The following UCHL5 variants were observed in gnomAD, a reference collection of about 807,000 sequenced individuals.
UCHL5 encodes the protein ubiquitin carboxyl-terminal hydrolase isozyme L5.
UCHL5 carries 34 observed loss-of-function variants against 53.8 expected under a neutral mutation model. That is an observed-to-expected ratio of 0.63 (90% CI 0.48 to 0.84). The LOEUF (loss-of-function observed/expected upper bound fraction) is 0.84, where lower values mean the gene tolerates loss of function less well. Ranked by LOEUF, UCHL5 falls within the 40% of genes least tolerant of loss-of-function variation. The pLI is 0.00. For missense variants in UCHL5, 290 were observed against 385.6 expected (o/e 0.75, Z 2.08); for synonymous variants, 111 against 126.3 (o/e 0.88, Z 0.81).
upstream of UCHL5, chr1:193,059,451 C>T (rs1275547324): frequency 2.5e-6 from 4 of 1,609,776 alleles, no homozygotes; most frequent in South Asian, 3.3e-5. The surrounding 1 kb of genome is among the most constrained non-coding windows in gnomAD (Gnocchi z 4.9). Context: ...CTCTAGCCAC[C>T]CTAGAGACAT....
rs1450746721 is a variant in UCHL5 at position 193,059,175 on chromosome 1, T to A, written c.76+10A>T. 1 of 1,603,190 alleles carries A rather than the reference T, an allele frequency of 6.2e-7. No homozygotes were observed. Among genetic ancestry groups the A allele is most frequent in the African/African-American group, 1.3e-5 (1 of 74,788 alleles). ...GACCCCAGGCCCAGGACGGTCCCCTTGGTTCTCACCGAATCCTTTAATGAG... is the reference window on the plus strand; with the variant it reads ...GACCCCAGGCCCAGGACGGTCCCCTAGGTTCTCACCGAATCCTTTAATGAG... On this transcript the variant is annotated intron_variant, in intron 1 of 10. Transcript: ENST00000367454. This position sits in a 1 kb window ranked among gnomAD's most constrained non-coding sequence, Gnocchi z 4.9.
chr1:193,059,407 C>T (rs773989576), upstream of UCHL5: 3 of 1,610,414 alleles, frequency 1.9e-6, no homozygotes, highest in Admixed American at 3.3e-5. This position sits in a 1 kb window ranked among gnomAD's most constrained non-coding sequence, Gnocchi z 4.9. Flanking sequence ...CTCCGGGCGC[C>T]GTCACCTGCA....
chr1:193,057,114 T>C (rs1000927350), intron 1 of UCHL5, among the ~76,000 whole-genome samples: 4 of 152,226 alleles, frequency 2.6e-5, no homozygotes, highest in African/African-American at 9.7e-5. Flanking sequence ...TCTGCAGACA[T>C]GTCAAACTCA....
rs1201700688 is a variant in UCHL5, at chr1:193,050,701, G to A, written c.141-850C>T. ...GCAGAGACTGCAGTGAGCCGAAATC[G>A]CACCACTGCACTGCAACCTAGATGA... is the stretch of plus-strand genomic sequence containing the variant. On this transcript the variant is annotated intron_variant, in intron 2 of 10. Coordinates refer to ENST00000367454, the MANE Select transcript of UCHL5 (RefSeq NM_001199261.3). 4.6e-5 allele frequency among the ~76,000 whole-genome samples: 7 copies of A among 151,124 alleles called. 1 individual carries two copies. In the South Asian group the frequency reaches 6.2e-4, roughly 13 times the overall value.
chr1:193,022,968 C>G lies in UCHL5; in HGVS notation c.801G>C (p.Gln267His). The change falls in exon 9 of 11, where the codon CAG (glutamine) becomes CAC (histidine). Residue 267 changes from glutamine (Q) to histidine (H), a missense_variant. Physicochemically the swap from Gln to His is conservative, Grantham distance 24. Coordinates refer to ENST00000367454, the MANE Select transcript of UCHL5 (RefSeq NM_001199261.3). ...SAIQSEVAKN[Q>H]MLIEEEVQKL... ...TCTGTACTTCTTCTTCAATAAGCAT[C>G]TGATTTTTGGCAACTTCTGACTGAA... is the stretch of plus-strand genomic sequence containing the variant. 6.2e-7 allele frequency: 1 copy of G among 1,613,122 alleles called. No homozygotes were observed. The highest frequency in any genetic ancestry group is 2.2e-5 in the East Asian group (1 of 44,738).
chr1:193,016,652 A>G lies in UCHL5; in HGVS notation c.943-257T>C, dbSNP rs545832721. ...CTATCTGAAGGTGAAATGAATTATT[A>G]TAATTGTAATAATTTAAAAATTCCA... On this transcript the variant is annotated intron_variant, in intron 10 of 10. Transcript: ENST00000367454. Among the ~76,000 whole-genome samples, 3 of 151,996 alleles carry G rather than the reference A, an allele frequency of 2.0e-5. No homozygotes were observed. In the East Asian group the frequency reaches 5.8e-4, roughly 29 times the overall value.
intron 7 of UCHL5, among the ~76,000 whole-genome samples, chr1:193,026,816 T>C (rs1659424039): frequency 6.6e-6 from 1 of 152,224 alleles, no homozygotes; most frequent in African/African-American, 2.4e-5. Context: ...ATTGTAGCTT[T>C]ATTCTCAGTA....
intron 10 of UCHL5, 66 bp from the exon 11 acceptor site, chr1:193,016,461 T>C: frequency 6.9e-7 from 1 of 1,459,176 alleles, no homozygotes; most frequent in Non-Finnish European, 9.4e-7. Flanking sequence ...TAGAATAAAA[T>C]GTGCCTAAGA....
intron 9 of UCHL5, among the ~76,000 whole-genome samples, chr1:193,021,422 C>T (rs979981280): frequency 6.6e-6 from 1 of 152,054 alleles, no homozygotes; most frequent in East Asian, 1.9e-4. Flanking sequence ...ATAATAGAGG[C>T]CTTTAAAAGT....
In UCHL5 at chr1:193,059,035, C is replaced by T; in HGVS notation, c.76+150G>A. 4.1e-6 allele frequency: 3 copies of T among 736,784 alleles called. No individual in the cohort carries two copies. The highest frequency in any genetic ancestry group is 6.5e-6 in the Non-Finnish European group (3 of 461,250). 45.6% of individuals were successfully genotyped at this position (736,784 alleles called of 1,614,324 possible). On this transcript the variant is annotated intron_variant, in intron 1 of 10. Coordinates refer to ENST00000367454, the MANE Select transcript of UCHL5 (RefSeq NM_001199261.3). The surrounding 1 kb of genome is among the most constrained non-coding windows in gnomAD (Gnocchi z 4.9). ...CGACTGTCTCGAGCTGAGGAGAGGG[C>T]AGAACATCTACATTTCCCCCACCCG...
rs897404167 is a variant in UCHL5 at position 193,025,529 on chromosome 1, C to T, written c.630-1583G>A. On this transcript the variant is annotated intron_variant, in intron 7 of 10. Transcript: ENST00000367454. ...ATGAGTGGAAAGCAATAGCAAGGCA[C>T]TCCTACCCCTCTCAGCCAGAGTGGT... Among the ~76,000 whole-genome samples the T allele has an allele frequency of 1.7e-4, 26 of 152,204 alleles. 1 individual carries two copies. Among genetic ancestry groups the T allele is most frequent in the African/African-American group, 4.6e-4 (19 of 41,470 alleles).
Position 193,051,787 on chromosome 1 carries a change from CAT to C in UCHL5, c.105_106del (p.Ile35MetfsTer6). 6 of 1,600,328 alleles carry C rather than the reference CAT, an allele frequency of 3.7e-6. No individual in the cohort carries two copies. Among genetic ancestry groups the C allele is most frequent in the Non-Finnish European group, 5.1e-6 (6 of 1,173,324 alleles). On this transcript the variant is annotated frameshift_variant, in exon 2 of 11. Coordinates refer to ENST00000367454, the MANE Select transcript of UCHL5 (RefSeq NM_001199261.3). LOFTEE classifies it high-confidence loss of function. ...TTCAAAATTCTCAGGCTCTAAACTC[CAT>C]ATTTCTTCTACTTGGGCTCCTCGGC...
intron 3 of UCHL5, among the ~76,000 whole-genome samples, chr1:193,037,080 C>T (rs1039885654): frequency 5.3e-5 from 8 of 151,370 alleles, no homozygotes; most frequent in African/African-American, 1.7e-4. Flanking sequence ...TTATATACCC[C>T]AAGGAACTAG....
intron 1 of UCHL5, among the ~76,000 whole-genome samples, chr1:193,054,003 T>C (rs1208847003): frequency 7.2e-6 from 1 of 138,578 alleles, no homozygotes; most frequent in Non-Finnish European, 1.5e-5. Flanking sequence ...GAGAGATCAT[T>C]ACTACCTGCA....
At chr1:193,028,268 ACT>A in intron 6 of UCHL5, 120 bp from the exon 7 acceptor site, 1 of 764,906 alleles carries the variant, frequency 1.3e-6, no homozygotes, top group Non-Finnish European at 2.0e-6. Flanking sequence ...GAGCAGTAAA[ACT>A]CTTTTTAGTA....
intron 7 of UCHL5, among the ~76,000 whole-genome samples, chr1:193,024,832 T>C (rs1302057789): frequency 6.6e-6 from 1 of 152,076 alleles, no homozygotes. Flanking sequence ...CACAGTTCTA[T>C]TCACTGAAAA....
chr1:193,046,707 A>T (rs947696631), intron 3 of UCHL5, among the ~76,000 whole-genome samples: 1 of 147,784 alleles, frequency 6.8e-6, no homozygotes, highest in Non-Finnish European at 1.5e-5. Flanking sequence ...TAAATTTATA[A>T]TTTTTGTATA....
At chr1:193,017,217 A>T (rs1655156261) in intron 10 of UCHL5, among the ~76,000 whole-genome samples, 3 of 151,838 alleles carry the variant, frequency 2.0e-5, no homozygotes, top group Non-Finnish European at 4.4e-5. Flanking sequence ...TTCTAAAAGC[A>T]AGATTTTAGA....
intron 1 of UCHL5, among the ~76,000 whole-genome samples, chr1:193,053,487 C>T (rs1669708844): frequency 6.6e-6 from 1 of 152,162 alleles, no homozygotes; most frequent in Admixed American, 6.5e-5. Flanking sequence ...CATCTATCTC[C>T]TTACATATGT....
Sources: allele counts gnomAD v4.1 joint callset (sites outside exome capture counted in the v4.1 genomes callset), GRCh38; gene constraint gnomAD v4.1.1; non-coding constraint Gnocchi (gnomAD v3.1); transcripts MANE v1.5; gene names NCBI Gene and HGNC (gene_info 2026-07-23, HGNC 2026-07-21).